The following ZFHX3 variants were observed in gnomAD, a reference collection of about 807,000 sequenced individuals.
ZFHX3 encodes the protein zinc finger homeobox 3.
A neutral mutation model predicts 279.1 loss-of-function variants in ZFHX3; 42 were observed. The observed-to-expected ratio is 0.15, with a 90% CI of 0.12 to 0.19. ZFHX3 has a LOEUF of 0.19. ZFHX3 is among the 10% of genes least tolerant of loss of function. The probability of loss-of-function intolerance (pLI) is 1.00; values close to 1 mark genes in which losing one functional copy is unlikely to be tolerated. For synonymous variants in ZFHX3, 2,293 were observed against 1,957.8 expected, an observed-to-expected ratio of 1.17 and a Z score of -4.52; for missense variants, 4,981 against 4,754.0, an observed-to-expected ratio of 1.05 and a Z score of -1.40.
chr16:72,808,449 T>C (rs2036337009), intron 7 of ZFHX3, among the ~76,000 whole-genome samples: 1 of 152,172 alleles, frequency 6.6e-6, no homozygotes. Flanking sequence ...AGCCATGCCA[T>C]AACTCCATGC....
intron 5 of ZFHX3, among the ~76,000 whole-genome samples, chr16:73,184,009 G>C (rs1379881403): frequency 6.6e-6 from 1 of 152,166 alleles, no homozygotes; most frequent in African/African-American, 2.4e-5. Flanking sequence ...CAGGGCCTCA[G>C]GGATGCGGAC....
At chr16:72,816,299 A>G (rs1437598957) in intron 5 of ZFHX3, among the ~76,000 whole-genome samples, 2 of 152,236 alleles carry the variant, frequency 1.3e-5, no homozygotes, top group Non-Finnish European at 2.9e-5. Context: ...TGGCAGTTAT[A>G]AAATATGAAA....
At chr16:72,954,157 G>A (rs950757353) in intron 2 of ZFHX3, among the ~76,000 whole-genome samples, 1 of 152,150 alleles carries the variant, frequency 6.6e-6, no homozygotes. Flanking sequence ...ATCACCTGAG[G>A]TCAGGAGTTC....
chr16:72,936,604 C>G (rs75856429), intron 3 of ZFHX3, among the ~76,000 whole-genome samples: 2 of 152,096 alleles, frequency 1.3e-5, no homozygotes, highest in African/African-American at 4.8e-5. Flanking sequence ...CTGTGGCAGG[C>G]GCCAGCTTAG....
chr16:73,206,364 G>A (rs1372138723), intron 5 of ZFHX3, among the ~76,000 whole-genome samples: 3 of 152,202 alleles, frequency 2.0e-5, no homozygotes, highest in Admixed American at 2.0e-4. Flanking sequence ...AGGCATGGGA[G>A]ATAGTTAATG....
chr16:73,042,963 G>A (rs1965169272), intron 1 of ZFHX3, among the ~76,000 whole-genome samples: 1 of 151,794 alleles, frequency 6.6e-6, no homozygotes, highest in African/African-American at 2.4e-5. Flanking sequence ...AAAGTGAGAG[G>A]CATCCCAGCA....
intron 3 of ZFHX3, among the ~76,000 whole-genome samples, chr16:73,354,819 G>A (rs1048709885): frequency 6.6e-5 from 10 of 152,040 alleles, no homozygotes; most frequent in Admixed American, 3.3e-4. Flanking sequence ...AGTATCTCCC[G>A]GCATCAGCCC....
chr16:73,285,665 A>G (rs1245062518), intron 4 of ZFHX3, among the ~76,000 whole-genome samples: 1 of 152,222 alleles, frequency 6.6e-6, no homozygotes. Flanking sequence ...CGTCAGGGAA[A>G]TATATCCCAA....
At chr16:73,331,618 C>T (rs530804543) in intron 3 of ZFHX3, among the ~76,000 whole-genome samples, 14 of 152,146 alleles carry the variant, frequency 9.2e-5, no homozygotes, top group East Asian at 1.9e-4. Flanking sequence ...GTAACTCATT[C>T]GCAGTGGTGA....
At chr16:73,843,064 T>G (rs1326460096) in intron 1 of ZFHX3, among the ~76,000 whole-genome samples, 9 of 152,234 alleles carry the variant, frequency 5.9e-5, no homozygotes, top group Non-Finnish European at 1.2e-4. Flanking sequence ...TATTTGGATT[T>G]CTTTCTTTGT....
At chr16:73,296,202 A>T (rs1487863798) in intron 4 of ZFHX3, among the ~76,000 whole-genome samples, 1 of 152,188 alleles carries the variant, frequency 6.6e-6, no homozygotes, top group Non-Finnish European at 1.5e-5. Context: ...ATGAAATTTC[A>T]TTTAAGATAC....
chr16:73,773,047 G>A (rs947328089), intron 1 of ZFHX3, among the ~76,000 whole-genome samples: 1 of 152,220 alleles, frequency 6.6e-6, no homozygotes, highest in African/African-American at 2.4e-5. Context: ...GCTGATCAGT[G>A]CAGGGGCTGT....
intron 2 of ZFHX3, among the ~76,000 whole-genome samples, chr16:73,595,014 G>C (rs888281001): frequency 6.6e-6 from 1 of 152,120 alleles, no homozygotes. Flanking sequence ...GTCTCTAAGG[G>C]AACATGGTCC....
intron 5 of ZFHX3, among the ~76,000 whole-genome samples, chr16:73,190,790 C>G (rs1218044236): frequency 6.6e-6 from 1 of 152,040 alleles, no homozygotes; most frequent in Non-Finnish European, 1.5e-5. Context: ...AGGTCACTCA[C>G]CGAACCAGTG....
intron 4 of ZFHX3, among the ~76,000 whole-genome samples, chr16:72,854,611 G>C (rs1002722025): frequency 1.3e-5 from 2 of 152,218 alleles, no homozygotes; most frequent in East Asian, 1.9e-4. Flanking sequence ...AAACAATAAG[G>C]GGGGAGGGAC....
intron 6 of ZFHX3, among the ~76,000 whole-genome samples, chr16:73,136,469 A>C (rs888201473): frequency 1.3e-5 from 2 of 152,044 alleles, no homozygotes; most frequent in African/African-American, 2.4e-5. Flanking sequence ...CATGCCTGTA[A>C]TCCCAACACT....
chr16:72,911,945 A>T (rs2039328927), intron 3 of ZFHX3, among the ~76,000 whole-genome samples: 2 of 152,270 alleles, frequency 1.3e-5, no homozygotes, highest in Admixed American at 6.5e-5. Flanking sequence ...GGACTCTCTC[A>T]GCTAGTTTAA....
At chr16:73,684,109 C>G (rs1043066952) in intron 1 of ZFHX3, among the ~76,000 whole-genome samples, 3 of 152,044 alleles carry the variant, frequency 2.0e-5, no homozygotes. Flanking sequence ...GCCTGGGCAG[C>G]GTAGCAAGAC....
At chr16:73,523,660 G>C (rs1250535007) in intron 2 of ZFHX3, among the ~76,000 whole-genome samples, 1 of 148,888 alleles carries the variant, frequency 6.7e-6, no homozygotes, top group Non-Finnish European at 1.5e-5. Context: ...CTGAAGGAAA[G>C]AAAGGCAAAT....
Sources: gnomAD v4.1 joint callset for allele counts (sites outside exome capture counted in the v4.1 genomes callset) on GRCh38, gnomAD v4.1.1 for gene constraint, MANE v1.5 for transcripts, NCBI Gene and HGNC (gene_info 2026-07-23, HGNC 2026-07-21) for gene names.